ABI3BP: variants seen among roughly 807,000 people sequenced by gnomAD.
ABI3BP encodes the protein target of Nesh-SH3.
ABI3BP carries 216 observed loss-of-function variants against 268.6 expected under a neutral mutation model. The ratio of observed to expected loss-of-function variants is 0.80; its 90% CI spans 0.72 to 0.90. The LOEUF is 0.90. Among genes scored for constraint, ABI3BP ranks in the 40% least tolerant of loss-of-function variants. The pLI, the probability that ABI3BP is intolerant of heterozygous loss-of-function variation, is 0.00. For missense variants in ABI3BP, 2,090 were observed against 2,182.4 expected (o/e 0.96, Z 0.84); for synonymous variants, 730 against 730.0 (o/e 1.00, Z 0.00).
chr3:100,953,785 C>T (rs530664778), intron 1 of ABI3BP, among the ~76,000 whole-genome samples: 38 of 152,042 alleles, frequency 2.5e-4, no homozygotes, highest in Admixed American at 8.5e-4. Context: ...AAATAAAAGG[C>T]AGGACTTGAA....
At chr3:100,762,456 T>C (rs2149575313) in intron 63 of ABI3BP, among the ~76,000 whole-genome samples, 1 of 152,266 alleles carries the variant, frequency 6.6e-6, no homozygotes, top group South Asian at 2.1e-4. Flanking sequence ...TTTATCAAAT[T>C]CTAGTCTCAA....
intron 1 of ABI3BP, among the ~76,000 whole-genome samples, chr3:100,969,887 C>G (rs566654406): frequency 5.6e-4 from 85 of 152,050 alleles, no homozygotes; most frequent in South Asian, 3.3e-3. Flanking sequence ...TTTTCCTGCT[C>G]ATGTAAAGTT....
At chr3:100,791,123 A>C (rs191087120) in intron 55 of ABI3BP, among the ~76,000 whole-genome samples, 107 of 152,020 alleles carry the variant, frequency 7.0e-4, no homozygotes, top group Admixed American at 1.6e-3. Context: ...ATAAGAAAAA[A>C]GTCAGCATGT....
rs758797195 is a variant in ABI3BP at position 100,835,586 on chromosome 3, A to C, written c.2191+15T>G. The stretch of plus-strand genomic sequence containing the variant: ...GCAGAAAAAACTCATACTTAAAGAC[A>C]TAAGAGGTCATTACCTAATGTTGTC... On this transcript the variant is annotated intron_variant, in intron 28 of 67. Transcript: ENST00000471714. The C allele has an allele frequency of 6.5e-7, 1 of 1,527,856 alleles. No homozygotes were observed. Among genetic ancestry groups the C allele is most frequent in the Non-Finnish European group, 8.8e-7 (1 of 1,140,128 alleles). The allele number at this position is 1,527,856 out of a possible 1,614,324, so 94.6% of individuals were successfully genotyped here. A position where few individuals can be genotyped will look rare whatever the true frequency, so the allele number is the denominator to read the frequency against.
intron 7 of ABI3BP, 116 bp from the exon 8 acceptor site, chr3:100,875,695 A>T: frequency 1.4e-6 from 1 of 726,618 alleles, no homozygotes; most frequent in Non-Finnish European, 2.4e-6. Flanking sequence ...TAATTAATAC[A>T]AAGCAACTCA....
At chr3:100,816,450 A>G in intron 43 of ABI3BP, 1 of 604,362 alleles carries the variant, frequency 1.7e-6, no homozygotes, top group Non-Finnish European at 3.0e-6. Flanking sequence ...TTAAAGAGGG[A>G]CCAAGAACGT....
At chr3:100,875,064 C>G (rs963492941) in intron 8 of ABI3BP, 131 bp from the exon 9 acceptor site, 1 of 536,198 alleles carries the variant, frequency 1.9e-6, no homozygotes, top group African/African-American at 1.9e-5. Flanking sequence ...TTAACCCAAA[C>G]TTTAAAACAT....
intron 50 of ABI3BP, among the ~76,000 whole-genome samples, chr3:100,805,316 A>T (rs1361890537): frequency 1.3e-5 from 2 of 152,070 alleles, no homozygotes; most frequent in African/African-American, 4.8e-5. Flanking sequence ...CTCTTGGGCA[A>T]CAGCAGAGTG....
At chr3:100,984,587 C>A (rs573998148) in intron 1 of ABI3BP, among the ~76,000 whole-genome samples, 25 of 152,158 alleles carry the variant, frequency 1.6e-4, no homozygotes, top group Middle Eastern at 6.8e-3. Context: ...TACTGACAGG[C>A]CTTAAATGTT....
At chr3:100,904,164 T>C (rs1452521194) in intron 2 of ABI3BP, among the ~76,000 whole-genome samples, 1 of 152,196 alleles carries the variant, frequency 6.6e-6, no homozygotes, top group African/African-American at 2.4e-5. Context: ...ATGGCAATCC[T>C]ACCTGGCACT....
At chr3:100,852,764 A>G (rs935622459) in intron 14 of ABI3BP, among the ~76,000 whole-genome samples, 1 of 152,182 alleles carries the variant, frequency 6.6e-6, no homozygotes, top group Non-Finnish European at 1.5e-5. Flanking sequence ...TAAATTTTCT[A>G]TTCTGTACAA....
intron 1 of ABI3BP, among the ~76,000 whole-genome samples, chr3:100,965,883 A>G (rs565793047): frequency 2.0e-5 from 3 of 152,276 alleles, no homozygotes; most frequent in African/African-American, 7.2e-5. Flanking sequence ...CAAAGGATAA[A>G]ATGTCCATTA....
At chr3:100,946,071 A>T (rs2072042837) in intron 1 of ABI3BP, among the ~76,000 whole-genome samples, 1 of 152,156 alleles carries the variant, frequency 6.6e-6, no homozygotes, top group Non-Finnish European at 1.5e-5. Context: ...ATCTTTAGTC[A>T]TTAAGGAAGA....
intron 33 of ABI3BP, 81 bp from the exon 34 acceptor site, chr3:100,828,533 C>A: frequency 2.3e-6 from 3 of 1,308,028 alleles, no homozygotes; most frequent in Non-Finnish European, 3.2e-6. Context: ...AAGAATTTTA[C>A]GAGGTCATGA....
At chr3:100,847,713 G>T in intron 18 of ABI3BP, 40 bp from the exon 19 acceptor site, 1 of 1,542,336 alleles carries the variant, frequency 6.5e-7, no homozygotes, top group Non-Finnish European at 9.0e-7. Flanking sequence ...ATATCCTAGA[G>T]ACAATAAAAA....
At position 100,774,602 on chromosome 3, in the gene ABI3BP, T is replaced by C. The variant is rs1237870472; in HGVS notation, c.4531+3A>G. The C allele has an allele frequency of 4.4e-6, 7 of 1,576,042 alleles. No homozygotes were observed. The highest frequency in any genetic ancestry group is 5.2e-6 in the Non-Finnish European group (6 of 1,160,336). ...TGTGAGATTCACAGCCAGTCATACATACCTTTGAATCTTGGCTTCCCAAGA... is the reference window on the plus strand; with the variant it reads ...TGTGAGATTCACAGCCAGTCATACACACCTTTGAATCTTGGCTTCCCAAGA... On this transcript the variant is annotated splice_donor_region_variant and intron_variant, in intron 61 of 67. Transcript: ENST00000471714.
Position 100,778,350 on chromosome 3 carries a change from T to TG in ABI3BP, c.4266dup (p.Arg1423GlnfsTer14). The stretch of plus-strand genomic sequence containing the variant: ...GGTTTTCTTCGTGGGTGTGTAGGTC[T>TG]GGGTGGCAAGGGTGGGCGGCGAGTC... On this transcript the variant is annotated frameshift_variant, in exon 59 of 68. Transcript: ENST00000471714. LOFTEE classifies it high-confidence loss of function. The TG allele has an allele frequency of 6.2e-7, 1 of 1,611,634 alleles. No individual in the cohort carries two copies.
chr3:100,959,950 G>A (rs1440174556), intron 1 of ABI3BP, among the ~76,000 whole-genome samples: 1 of 152,038 alleles, frequency 6.6e-6, no homozygotes, highest in Non-Finnish European at 1.5e-5. Context: ...ACTACACAAA[G>A]TCAGTTTTTT....
chr3:100,988,033 C>T (rs1192063247), intron 1 of ABI3BP, among the ~76,000 whole-genome samples: 1 of 152,122 alleles, frequency 6.6e-6, no homozygotes, highest in Non-Finnish European at 1.5e-5. Flanking sequence ...TTAATACAGT[C>T]CCAGCAATAC....
Sources: allele counts gnomAD v4.1 joint callset (sites outside exome capture counted in the v4.1 genomes callset), GRCh38; gene constraint gnomAD v4.1.1; transcripts MANE v1.5; gene names NCBI Gene and HGNC (gene_info 2026-07-23, HGNC 2026-07-21).